The following SPRING1 variants were observed in gnomAD, a reference collection of about 807,000 sequenced individuals.
SPRING1 encodes SREBF pathway regulator in golgi 1.
In SPRING1, 14 loss-of-function variants were observed where a neutral mutation model predicts 24.7. That is an observed-to-expected ratio of 0.57 (90% CI 0.37 to 0.88). SPRING1 has a LOEUF of 0.88. Ranked by LOEUF, SPRING1 falls within the 40% of genes least tolerant of loss-of-function variation. The probability of loss-of-function intolerance (pLI) is 0.00; values close to 1 mark genes in which losing one functional copy is unlikely to be tolerated. For synonymous variants in SPRING1, 93 were observed against 106.1 expected (o/e 0.88, Z 0.76); for missense variants, 255 against 268.4 (o/e 0.95, Z 0.35).
At position 116,720,339 on chromosome 12, in the gene SPRING1, C is replaced by G; in HGVS notation, c.377G>C (p.Ser126Thr). The G allele has an allele frequency of 1.2e-6, 2 of 1,614,226 alleles. No homozygotes were observed. Among genetic ancestry groups the G allele is most frequent in the Non-Finnish European group, 1.7e-6 (2 of 1,180,030 alleles). Residue 126 changes from serine to threonine, a missense_variant, in exon 3 of 5, where the codon AGC becomes ACC. Ser to Thr is a moderately conservative substitution (Grantham distance 58). Coordinates refer to ENST00000261318, the MANE Select transcript of SPRING1 (RefSeq NM_024738.4). The surrounding 1 kb of genome is among the most constrained non-coding windows in gnomAD (Gnocchi z 4.0). ...CDGCWPNGCC[S>T]AYEYCVSCCL... ...GCAGGAGACACAGTACTCATAGGCG[C>G]TGCAGCAGCCGTTGGGCCAGCAGCC...
chr12:116,729,718 A>G (rs1281762022), intron 1 of SPRING1, among the ~76,000 whole-genome samples: 4 of 152,246 alleles, frequency 2.6e-5, no homozygotes, highest in African/African-American at 9.6e-5. Context: ...GCCAATCAAA[A>G]AAGACCACAT....
chr12:116,729,156 G>A lies in SPRING1; in HGVS notation c.112-5933C>T, dbSNP rs142526879. Among the ~76,000 whole-genome samples the A allele has an allele frequency of 5.3e-5, 8 of 152,172 alleles. No homozygotes were observed. The East Asian group carries it at 9.7e-4, about 18-fold the overall frequency. On this transcript the variant is annotated intron_variant, in intron 1 of 4. Coordinates refer to ENST00000261318, the MANE Select transcript of SPRING1 (RefSeq NM_024738.4). Reference sequence around the variant, plus strand: ...TGCAAACCTTTTTAATGTCTCCCTCGATGGAAGACAGCTGAATCTCCGAAG... The same window carrying A: ...TGCAAACCTTTTTAATGTCTCCCTCAATGGAAGACAGCTGAATCTCCGAAG...
At chr12:116,721,025 T>C (rs1042503309) in intron 2 of SPRING1, among the ~76,000 whole-genome samples, 2 of 152,166 alleles carry the variant, frequency 1.3e-5, no homozygotes, top group Non-Finnish European at 2.9e-5. Flanking sequence ...AATCACCCTT[T>C]GGCCTTTGGG....
At chr12:116,735,389 C>T (rs1182810147) in intron 1 of SPRING1, among the ~76,000 whole-genome samples, 1 of 152,104 alleles carries the variant, frequency 6.6e-6, no homozygotes, top group Non-Finnish European at 1.5e-5. Context: ...GTGATGGTCG[C>T]ACAGCGTTAA....
At chr12:116,722,677 C>G (rs1870487812) in intron 2 of SPRING1, among the ~76,000 whole-genome samples, 1 of 152,190 alleles carries the variant, frequency 6.6e-6, no homozygotes, top group Non-Finnish European at 1.5e-5. Flanking sequence ...GTGAATTTTA[C>G]TCAGGTTACC....
chr12:116,714,116 A>T lies in SPRING1; in HGVS notation c.*3694T>A, dbSNP rs1387140744. Reference sequence around the variant, plus strand: ...TTGCTCACATCGACACCTCACAGTGACCCTGAGAGGCAGATGCTGTGACCC... The same window carrying T: ...TTGCTCACATCGACACCTCACAGTGTCCCTGAGAGGCAGATGCTGTGACCC... On this transcript the variant is annotated 3_prime_UTR_variant, in exon 5 of 5. Transcript: ENST00000261318. 1 of 152,016 alleles carries T rather than the reference A, an allele frequency of 6.6e-6. No homozygotes were observed. The highest frequency in any genetic ancestry group is 1.9e-4 in the East Asian group (1 of 5,176). The allele number at this position is 152,016 out of a possible 1,614,324, so 9.4% of individuals were successfully genotyped here. A position where few individuals can be genotyped will look rare whatever the true frequency, so the allele number is the denominator to read the frequency against.
Position 116,719,846 on chromosome 12 carries a change from C to A in SPRING1, c.451G>T (p.Ala151Ser). Reference protein sequence around the residue: ...QLLLERFLNRAAVAFQNLFMA... With the variant: ...QLLLERFLNRSAVAFQNLFMA... ...AAGAGGTTCTGGAATGCCACGGCTG[C>A]CCGGTTGAGGAAGCGCTCCAGGAGA... Residue 151 changes from alanine (A) to serine (S), a missense_variant, in exon 4 of 5, where the codon GCA (alanine) becomes TCA (serine). Coordinates refer to ENST00000261318, the MANE Select transcript of SPRING1 (RefSeq NM_024738.4). The A allele has an allele frequency of 6.2e-7, 1 of 1,614,138 alleles. No homozygotes were observed. Among genetic ancestry groups the A allele is most frequent in the African/African-American group, 1.3e-5 (1 of 75,028 alleles).
chr12:116,734,422 T>C (rs1871134598), intron 1 of SPRING1, among the ~76,000 whole-genome samples: 1 of 152,158 alleles, frequency 6.6e-6, no homozygotes, highest in South Asian at 2.1e-4. Context: ...ATGAAGATGA[T>C]GTATCAGGGT....
At position 116,717,782 on chromosome 12, in the gene SPRING1, C is replaced by T; in HGVS notation, c.*28G>A. The T allele has an allele frequency of 6.4e-7, 1 of 1,555,686 alleles. No homozygotes were observed. Among genetic ancestry groups the T allele is most frequent in the Non-Finnish European group, 8.7e-7 (1 of 1,151,314 alleles). ...GAGTTCTTCAGCGGGGCCTCCTCAC[C>T]CAGGCTGGAGCAAGTCCGCTGCACC... On this transcript the variant is annotated 3_prime_UTR_variant, in exon 5 of 5. Transcript: ENST00000261318. This position sits in a 1 kb window ranked among gnomAD's most constrained non-coding sequence, Gnocchi z 4.2.
intron 1 of SPRING1, among the ~76,000 whole-genome samples, chr12:116,732,506 G>A (rs188539864): frequency 3.9e-4 from 59 of 152,226 alleles, no homozygotes; most frequent in African/African-American, 6.7e-4. Context: ...TCAGGAGTTC[G>A]AGACCAGCCT....
chr12:116,723,104 G>C lies in SPRING1; in HGVS notation c.231C>G (p.Asn77Lys). ...TGATGAGGTGCTTCCCTTGAATGGAGTTGCGGCACTGATTGCTCGGACGAC... is the reference window on the plus strand; with the variant it reads ...TGATGAGGTGCTTCCCTTGAATGGACTTGCGGCACTGATTGCTCGGACGAC... ...NSSRPSNQCR[N>K]SIQGKHLITD... Residue 77 changes from asparagine (N) to lysine (K), a missense_variant, in exon 2 of 5, where the codon AAC becomes AAG. Transcript: ENST00000261318. 1 of 1,612,752 alleles carries C rather than the reference G, an allele frequency of 6.2e-7. No homozygotes were observed. Among genetic ancestry groups the C allele is most frequent in the East Asian group, 2.2e-5 (1 of 44,886 alleles).
At chr12:116,722,227 G>A (rs1008757526) in intron 2 of SPRING1, among the ~76,000 whole-genome samples, 5 of 152,026 alleles carry the variant, frequency 3.3e-5, no homozygotes, top group Non-Finnish European at 5.9e-5. Context: ...TATAGCTCTT[G>A]GATTTTTATT....
In SPRING1 at chr12:116,720,742, G is replaced by A. The variant is rs1380389469; in HGVS notation, c.269-295C>T. Among the ~76,000 whole-genome samples the A allele has an allele frequency of 1.3e-5, 2 of 152,116 alleles. No individual in the cohort carries two copies. The highest frequency in any genetic ancestry group is 2.1e-4 in the South Asian group (1 of 4,832). On this transcript the variant is annotated intron_variant, in intron 2 of 4. Transcript: ENST00000261318. The surrounding 1 kb of genome is among the most constrained non-coding windows in gnomAD (Gnocchi z 4.0). ...TGATTTCATCATCAGGTCAAGCTAC[G>A]GCTACGTTCTCCTATTCTAACCTAT...
chr12:116,732,637 G>A (rs1592924181), intron 1 of SPRING1, among the ~76,000 whole-genome samples: 1 of 152,250 alleles, frequency 6.6e-6, no homozygotes, highest in Admixed American at 6.5e-5. Context: ...AACCTGGGAT[G>A]AGGCGGTTGC....
At position 116,737,976 on chromosome 12, in the gene SPRING1, C is replaced by A; in HGVS notation, c.-76G>T. 8.2e-7 allele frequency: 1 copy of A among 1,225,486 alleles called. No homozygotes were observed. Among genetic ancestry groups the A allele is most frequent in the East Asian group, 3.7e-5 (1 of 26,798 alleles). The allele number at this position is 1,225,486 out of a possible 1,614,324, so 75.9% of individuals were successfully genotyped here. A position where few individuals can be genotyped will look rare whatever the true frequency, so the allele number is the denominator to read the frequency against. On this transcript the variant is annotated 5_prime_UTR_variant, in exon 1 of 5. Coordinates refer to ENST00000261318, the MANE Select transcript of SPRING1 (RefSeq NM_024738.4). ...CGGGTCCCGGGCGGCATGGCCCCTA[C>A]GCGCCCGGCAGCCCCATCCCTCCAG...
rs546075464 is a variant in SPRING1 at position 116,717,040 on chromosome 12, G to A, written c.*770C>T. On this transcript the variant is annotated 3_prime_UTR_variant, in exon 5 of 5. Transcript: ENST00000261318. This position sits in a 1 kb window ranked among gnomAD's most constrained non-coding sequence, Gnocchi z 4.2. Reference sequence around the variant, plus strand: ...TCTGCTAAAACAGTGCTCTCCATAGGGTATATGAGCACATTCGACTACCAC... The same window carrying A: ...TCTGCTAAAACAGTGCTCTCCATAGAGTATATGAGCACATTCGACTACCAC... The A allele has an allele frequency of 2.6e-5, 4 of 152,282 alleles. No homozygotes were observed. The highest frequency in any genetic ancestry group is 9.6e-5 in the African/African-American group (4 of 41,552). The allele number at this position is 152,282 out of a possible 1,614,324, so 9.4% of individuals were successfully genotyped here. A position where few individuals can be genotyped will look rare whatever the true frequency, so the allele number is the denominator to read the frequency against.
At chr12:116,721,793 C>T (rs754265536) in intron 2 of SPRING1, among the ~76,000 whole-genome samples, 2 of 152,206 alleles carry the variant, frequency 1.3e-5, no homozygotes, top group Admixed American at 6.5e-5. Flanking sequence ...TATAATGTGA[C>T]CTAAACTCTG....
Position 116,716,498 on chromosome 12 carries a change from A to G in SPRING1, c.*1312T>C, listed in dbSNP as rs1381309107. The G allele has an allele frequency of 3.9e-5, 6 of 152,674 alleles. No individual in the cohort carries two copies. The highest frequency in any genetic ancestry group is 8.8e-5 in the Non-Finnish European group (6 of 68,052). The allele number at this position is 152,674 out of a possible 1,614,324, so 9.5% of individuals were successfully genotyped here. A position where few individuals can be genotyped will look rare whatever the true frequency, so the allele number is the denominator to read the frequency against. The stretch of plus-strand genomic sequence containing the variant: ...GAGTTGTGTGTTCACGTGACTCCTG[A>G]AAACAAAGAGCAGTACTATTCGAAG... On this transcript the variant is annotated 3_prime_UTR_variant, in exon 5 of 5. Transcript: ENST00000261318.
At position 116,714,016 on chromosome 12, in the gene SPRING1, G is replaced by A. The variant is rs1006133232; in HGVS notation, c.*3794C>T. On this transcript the variant is annotated 3_prime_UTR_variant, in exon 5 of 5. Coordinates refer to ENST00000261318, the MANE Select transcript of SPRING1 (RefSeq NM_024738.4). ...CTCAGGAGCCCACCCACCCCTATCC[G>A]AGCCGACCCCTGACTGCCCCTGCCA... is the stretch of plus-strand genomic sequence containing the variant. 1.4e-5 allele frequency: 2 copies of A among 147,436 alleles called. No homozygotes were observed. Among genetic ancestry groups the A allele is most frequent in the East Asian group, 2.0e-4 (1 of 5,030 alleles). 9.1% of individuals were successfully genotyped at this position (147,436 alleles called of 1,614,324 possible).
Sources: allele counts gnomAD v4.1 joint callset (sites outside exome capture counted in the v4.1 genomes callset), GRCh38; gene constraint gnomAD v4.1.1; non-coding constraint Gnocchi (gnomAD v3.1); transcripts MANE v1.5; gene names NCBI Gene and HGNC (gene_info 2026-07-23, HGNC 2026-07-21).